Variants in CATSPERT observed in about 807,000 individuals in gnomAD.
CATSPERT encodes the protein cation channel sperm-associated targeting subunit tau.
At chr2:201,586,365 G>C in the CATSPERT span, among the ~76,000 whole-genome samples, 1 of 151,540 alleles carries the variant, frequency 6.6e-6, no homozygotes, top group East Asian at 1.9e-4. Context: ...GAGGAAAGAA[G>C]AAAAAAATAA....
the CATSPERT span, among the ~76,000 whole-genome samples, chr2:201,541,636 C>T: frequency 6.7e-6 from 1 of 149,370 alleles, no homozygotes; most frequent in African/African-American, 2.5e-5. Context: ...CACTCTGTTA[C>T]CCAGGCTGGA....
chr2:201,563,140 G>A, the CATSPERT span, among the ~76,000 whole-genome samples: 5 of 51,722 alleles, frequency 9.7e-5, no homozygotes, highest in East Asian at 9.7e-3. Flanking sequence ...TGGCCGGGCG[G>A]GGGGCTGACC....
At chr2:201,606,116 A>G in the CATSPERT span, among the ~76,000 whole-genome samples, 61 of 152,322 alleles carry the variant, frequency 4.0e-4, 2 homozygotes, top group Admixed American at 3.7e-3. Flanking sequence ...AAACAAAACA[A>G]TGGAGGAAAA....
chr2:201,563,090 G>A, the CATSPERT span, among the ~76,000 whole-genome samples: 2 of 148,958 alleles, frequency 1.3e-5, no homozygotes, highest in African/African-American at 2.5e-5. Flanking sequence ...CAGTAGGGGC[G>A]GCCGGGCAGA....
the CATSPERT span, among the ~76,000 whole-genome samples, chr2:201,611,850 C>T: frequency 3.9e-5 from 6 of 152,254 alleles, no homozygotes; most frequent in South Asian, 2.1e-4. Flanking sequence ...TCCCCTTTGC[C>T]GTTTAGGTCT....
the CATSPERT span, among the ~76,000 whole-genome samples, chr2:201,608,751 A>G: frequency 6.6e-6 from 1 of 151,684 alleles, no homozygotes; most frequent in African/African-American, 2.4e-5. Context: ...CAGGAGGTTG[A>G]GGCTGCAGTG....
At chr2:201,603,913 C>T in the CATSPERT span, among the ~76,000 whole-genome samples, 1 of 152,076 alleles carries the variant, frequency 6.6e-6, no homozygotes, top group Non-Finnish European at 1.5e-5. Context: ...TTATATTAAA[C>T]ATTGTATATG....
chr2:201,546,492 A>T, the CATSPERT span, among the ~76,000 whole-genome samples: 4 of 152,336 alleles, frequency 2.6e-5, no homozygotes, highest in African/African-American at 9.6e-5. Flanking sequence ...AATAAACTTT[A>T]TCCAAAGAAG....
chr2:201,618,752 GAA>G, the CATSPERT span: 8 of 390,192 alleles, frequency 2.1e-5, no homozygotes, highest in Non-Finnish European at 3.5e-5. Flanking sequence ...TGCTATAAAC[GAA>G]AAAAAAAAGG....
At chr2:201,541,532 TA>T in the CATSPERT span, among the ~76,000 whole-genome samples, 214 of 638 alleles carry the variant, frequency 0.34, 6 homozygotes, top group Admixed American at 0.47. Flanking sequence ...CAGATGATTT[TA>T]TATATATATA....
the CATSPERT span, among the ~76,000 whole-genome samples, chr2:201,565,295 G>A: frequency 0.089 from 8,117 of 90,816 alleles, 277 homozygotes; most frequent in African/African-American, 0.13. Flanking sequence ...ACAGAGCAAG[G>A]CCTCGTCTCA....
At chr2:201,521,725 C>A in the CATSPERT span, among the ~76,000 whole-genome samples, 1 of 152,146 alleles carries the variant, frequency 6.6e-6, no homozygotes, top group Non-Finnish European at 1.5e-5. Flanking sequence ...AGGCCAATAT[C>A]CCTGATTAAT....
At chr2:201,556,632 G>T in the CATSPERT span, among the ~76,000 whole-genome samples, 1 of 151,918 alleles carries the variant, frequency 6.6e-6, no homozygotes, top group African/African-American at 2.4e-5. Flanking sequence ...TTTGAGAGCA[G>T]CCTGGCCAAC....
the CATSPERT span, among the ~76,000 whole-genome samples, chr2:201,591,127 T>A: frequency 6.6e-6 from 1 of 152,228 alleles, no homozygotes; most frequent in African/African-American, 2.4e-5. Context: ...GTCTAACGTT[T>A]TAAGTCTTTA....
At chr2:201,560,094 G>A in the CATSPERT span, among the ~76,000 whole-genome samples, 1 of 151,956 alleles carries the variant, frequency 6.6e-6, no homozygotes, top group African/African-American at 2.4e-5. Context: ...AGAACCAAAC[G>A]GACATTCTAG....
the CATSPERT span, chr2:201,550,659 G>A: frequency 6.6e-6 from 1 of 152,108 alleles, no homozygotes; most frequent in African/African-American, 2.4e-5. Flanking sequence ...AATGATTAGT[G>A]TAACTTGTAT....
At chr2:201,585,918 C>A in the CATSPERT span, among the ~76,000 whole-genome samples, 33 of 152,064 alleles carry the variant, frequency 2.2e-4, no homozygotes, top group Admixed American at 2.0e-4. Context: ...AAAAGTTAGA[C>A]CCAATGTGCC....
the CATSPERT span, chr2:201,536,241 G>T: frequency 6.2e-7 from 1 of 1,613,342 alleles, no homozygotes; most frequent in South Asian, 1.1e-5. Context: ...ATTTTTAGAA[G>T]CATCAGCAGT....
chr2:201,491,279 A>G, the CATSPERT span: 3 of 1,537,860 alleles, frequency 2.0e-6, no homozygotes, highest in African/African-American at 1.4e-5. Context: ...ATCTTGTTAA[A>G]TGACTTTTTT....
Sources: allele counts gnomAD v4.1 joint callset (sites outside exome capture counted in the v4.1 genomes callset), GRCh38; gene constraint gnomAD v4.1.1; transcripts MANE v1.5; gene names NCBI Gene and HGNC (gene_info 2026-07-23, HGNC 2026-07-21).